Variants in FOXP4 observed in about 807,000 individuals in gnomAD.
The protein encoded by FOXP4 is forkhead box P4, also known as forkhead box protein P4.
A neutral mutation model predicts 82.6 loss-of-function variants in FOXP4; 25 were observed. The ratio of observed to expected loss-of-function variants is 0.30; its 90% CI spans 0.22 to 0.42. The LOEUF (loss-of-function observed/expected upper bound fraction) is 0.42, where lower values mean the gene tolerates loss of function less well. FOXP4 is among the 10% of genes least tolerant of loss of function. FOXP4 has a pLI of 1.00. For synonymous variants in FOXP4, 415 were observed against 388.2 expected (o/e 1.07, Z -0.81); for missense variants, 785 against 900.9 (o/e 0.87, Z 1.65).
At chr6:41,586,621 C>G (rs942720071) in intron 5 of FOXP4, among the ~76,000 whole-genome samples, 2 of 152,202 alleles carry the variant, frequency 1.3e-5, no homozygotes, top group Non-Finnish European at 2.9e-5. Flanking sequence ...GGGAAGGGTG[C>G]CCTCCAGGCA....
intron 2 of FOXP4, among the ~76,000 whole-genome samples, chr6:41,567,716 G>C (rs766366371): frequency 6.6e-6 from 1 of 152,206 alleles, no homozygotes; most frequent in African/African-American, 2.4e-5. Flanking sequence ...TGTTTAGGGT[G>C]GGGAAAGACA....
chr6:41,576,224 G>T (rs1765476575), intron 2 of FOXP4, among the ~76,000 whole-genome samples: 2 of 152,172 alleles, frequency 1.3e-5, no homozygotes, highest in African/African-American at 2.4e-5. Flanking sequence ...GGTGGCCTGT[G>T]AGGAGCACAC....
chr6:41,571,229 C>T (rs539353741), intron 2 of FOXP4, among the ~76,000 whole-genome samples: 4 of 152,234 alleles, frequency 2.6e-5, no homozygotes, highest in African/African-American at 4.8e-5. Flanking sequence ...GACTCTCCCC[C>T]TCATGACACC....
In FOXP4 at chr6:41,602,100, A is replaced by C. The variant is rs3747746; in HGVS notation, c.*3164A>C. ...CGCTTTCTCTGTCTCACCTTCATCCACTCTGCAGGCCTGCTCCACCACAGC... is the reference window on the plus strand; with the variant it reads ...CGCTTTCTCTGTCTCACCTTCATCCCCTCTGCAGGCCTGCTCCACCACAGC... On this transcript the variant is annotated 3_prime_UTR_variant, in exon 17 of 17. Transcript: ENST00000307972. 8.9e-3 allele frequency: 1,345 copies of C among 151,332 alleles called. 35 individuals carry two copies. The highest frequency in any genetic ancestry group is 0.048 in the East Asian group (248 of 5,138). 9.4% of individuals were successfully genotyped at this position (151,332 alleles called of 1,614,324 possible). A position where few individuals can be genotyped will look rare whatever the true frequency, so the allele number is the denominator to read the frequency against.
At position 41,594,999 on chromosome 6, in the gene FOXP4, G is replaced by A; in HGVS notation, c.1658+8G>A. ...ACCGCCAAAGATGACAGGGTATGTGGGTCCAGAGCTGGATGGGCTGTACCT... is the reference window on the plus strand; with the variant it reads ...ACCGCCAAAGATGACAGGGTATGTGAGTCCAGAGCTGGATGGGCTGTACCT... On this transcript the variant is annotated splice_region_variant and intron_variant, in intron 14 of 16. Coordinates refer to ENST00000307972, the MANE Select transcript of FOXP4 (RefSeq NM_001012426.2). The A allele has an allele frequency of 6.2e-7, 1 of 1,613,942 alleles. No homozygotes were observed. Among genetic ancestry groups the A allele is most frequent in the Non-Finnish European group, 8.5e-7 (1 of 1,179,972 alleles).
Position 41,591,095 on chromosome 6 carries a change from G to C in FOXP4, c.1435-126G>C. On this transcript the variant is annotated intron_variant, in intron 12 of 16. Transcript: ENST00000307972. This position sits in a 1 kb window ranked among gnomAD's most constrained non-coding sequence, Gnocchi z 4.2. ...CCCATCTTGTTATCCACACATTTCT[G>C]AGCAGGTCTTCTCACAAAGTGAACT... 4.0e-6 allele frequency: 3 copies of C among 741,432 alleles called. No homozygotes were observed. Among genetic ancestry groups the C allele is most frequent in the Non-Finnish European group, 7.0e-6 (3 of 430,784 alleles). 45.9% of individuals were successfully genotyped at this position (741,432 alleles called of 1,614,324 possible).
chr6:41,584,103 G>C (rs1427537605), intron 3 of FOXP4, among the ~76,000 whole-genome samples: 1 of 152,244 alleles, frequency 6.6e-6, no homozygotes, highest in Non-Finnish European at 1.5e-5. Context: ...CCCCACCCTA[G>C]ACATAGCTAC....
chr6:41,593,356 A>C lies in FOXP4; in HGVS notation c.1537-1514A>C, dbSNP rs1210730147. Among the ~76,000 whole-genome samples the C allele has an allele frequency of 6.6e-6, 1 of 152,110 alleles. No homozygotes were observed. Among genetic ancestry groups the C allele is most frequent in the African/African-American group, 2.4e-5 (1 of 41,418 alleles). On this transcript the variant is annotated intron_variant, in intron 13 of 16. Coordinates refer to ENST00000307972, the MANE Select transcript of FOXP4 (RefSeq NM_001012426.2). This position sits in a 1 kb window ranked among gnomAD's most constrained non-coding sequence, Gnocchi z 4.1. Reference sequence around the variant, plus strand: ...GGGCCCAGCCAGCTGCCGTTCATCCAGGGACAGAGCTGCCATCTGCCAAGC... The same window carrying C: ...GGGCCCAGCCAGCTGCCGTTCATCCCGGGACAGAGCTGCCATCTGCCAAGC...
At chr6:41,565,018 A>T (rs1380644386) in intron 1 of FOXP4, among the ~76,000 whole-genome samples, 6 of 152,200 alleles carry the variant, frequency 3.9e-5, no homozygotes, top group African/African-American at 7.2e-5. Context: ...ATAGGTTCCT[A>T]GTGAATAACT....
chr6:41,564,411 T>A (rs1362855137), intron 1 of FOXP4, among the ~76,000 whole-genome samples: 2 of 152,148 alleles, frequency 1.3e-5, no homozygotes, highest in East Asian at 3.8e-4. Flanking sequence ...AGAGCGAGAC[T>A]CTGTCTCAAA....
intron 1 of FOXP4, among the ~76,000 whole-genome samples, chr6:41,550,146 T>C (rs1383090688): frequency 6.6e-6 from 1 of 152,158 alleles, no homozygotes; most frequent in Non-Finnish European, 1.5e-5. Context: ...AGCAAGGAAC[T>C]GAGGCCTCCC....
At chr6:41,564,219 C>T (rs918241130) in intron 1 of FOXP4, among the ~76,000 whole-genome samples, 4 of 152,076 alleles carry the variant, frequency 2.6e-5, no homozygotes, top group South Asian at 2.1e-4. Context: ...TTTCGGAGGC[C>T]GAGGCAAGTG....
chr6:41,584,607 T>C (rs1303830502), intron 3 of FOXP4, among the ~76,000 whole-genome samples, 162 bp from the exon 4 acceptor site: 3 of 152,162 alleles, frequency 2.0e-5, no homozygotes, highest in South Asian at 4.1e-4. Flanking sequence ...GGAAGGTAAG[T>C]CACTGTCCAA....
At position 41,598,902 on chromosome 6, in the gene FOXP4, TGGA is replaced by T; in HGVS notation, c.2017_2019del (p.Glu673del). On this transcript the variant is annotated inframe_deletion, in exon 17 of 17. Coordinates refer to ENST00000307972, the MANE Select transcript of FOXP4 (RefSeq NM_001012426.2). ...TCGGGGCCTCCGGAAGACAGGGACC[TGGA>T]GGAGGAGCTGCCGGGAGAAGAACTG... 1 of 1,607,928 alleles carries T rather than the reference TGGA, an allele frequency of 6.2e-7. No homozygotes were observed. Among genetic ancestry groups the T allele is most frequent in the Non-Finnish European group, 8.5e-7 (1 of 1,178,134 alleles).
chr6:41,585,787 G>A (rs985602594), intron 5 of FOXP4, among the ~76,000 whole-genome samples: 21 of 151,704 alleles, frequency 1.4e-4, no homozygotes, highest in East Asian at 3.9e-4. Context: ...TGTCACCCCC[G>A]TGTGTGGTGT....
At chr6:41,572,362 G>A (rs913618248) in intron 2 of FOXP4, among the ~76,000 whole-genome samples, 1 of 152,150 alleles carries the variant, frequency 6.6e-6, no homozygotes, top group South Asian at 2.1e-4. Context: ...GAGTTTGCAT[G>A]TCTCTTTGTG....
intron 3 of FOXP4, among the ~76,000 whole-genome samples, chr6:41,581,923 G>A (rs1765824718): frequency 1.3e-5 from 2 of 152,198 alleles, no homozygotes; most frequent in Non-Finnish European, 2.9e-5. Flanking sequence ...GTGACTCACA[G>A]TCCTGGTGCC....
At position 41,600,484 on chromosome 6, in the gene FOXP4, T is replaced by C. The variant is rs1404329424; in HGVS notation, c.*1548T>C. 1.3e-5 allele frequency: 2 copies of C among 152,310 alleles called. No individual in the cohort carries two copies. The highest frequency in any genetic ancestry group is 2.9e-5 in the Non-Finnish European group (2 of 68,060). The allele number at this position is 152,310 out of a possible 1,614,324, so 9.4% of individuals were successfully genotyped here. ...CCCTTTACTGAGAAGACTCCTTGGA[T>C]ATTTCCCAAGAACCCCCCACATACA... is the stretch of plus-strand genomic sequence containing the variant. On this transcript the variant is annotated 3_prime_UTR_variant, in exon 17 of 17. Transcript: ENST00000307972.
intron 2 of FOXP4, among the ~76,000 whole-genome samples, chr6:41,571,140 C>T (rs1765177049): frequency 6.6e-6 from 1 of 152,192 alleles, no homozygotes; most frequent in South Asian, 2.1e-4. Context: ...TTTTGCATCA[C>T]TGCCACTCGG....
Sources: gnomAD v4.1 joint callset for allele counts (sites outside exome capture counted in the v4.1 genomes callset) on GRCh38, gnomAD v4.1.1 for gene constraint, Gnocchi (gnomAD v3.1) non-coding constraint, MANE v1.5 for transcripts, NCBI Gene and HGNC (gene_info 2026-07-23, HGNC 2026-07-21) for gene names.